Variants in PTCSC3 observed in about 807,000 individuals in gnomAD.
PTCSC3 encodes the protein papillary thyroid carcinoma susceptibility candidate 3 (non-protein coding).
At chr14:36,146,854 C>T (rs1174437552) in intron 3 of PTCSC3, among the ~76,000 whole-genome samples, 3 of 152,036 alleles carry the variant, frequency 2.0e-5, no homozygotes, top group Non-Finnish European at 2.9e-5. Flanking sequence ...TTAGGGCAGG[C>T]CTGGTGGTGA....
At chr14:36,147,101 T>C (rs1053027474) in intron 3 of PTCSC3, among the ~76,000 whole-genome samples, 8 of 152,194 alleles carry the variant, frequency 5.3e-5, no homozygotes, top group African/African-American at 1.9e-4. Context: ...TAACATTTTT[T>C]CCTTCATTTC....
intron 2 of PTCSC3, among the ~76,000 whole-genome samples, chr14:36,162,258 G>GAAAAAAAAAAAAAAAAAAA (rs58223160): frequency 6.6e-5 from 7 of 106,554 alleles, no homozygotes; most frequent in African/African-American, 2.9e-4. Context: ...CTGGGGTATG[G>GAAAAAAAAAAAAAAAAAAA]AAAAAAAAAA....
At chr14:36,139,940 C>T (rs1431608655) in intron 3 of PTCSC3, among the ~76,000 whole-genome samples, 1 of 152,150 alleles carries the variant, frequency 6.6e-6, no homozygotes, top group Admixed American at 6.5e-5. Flanking sequence ...CAATACCATA[C>T]AGAATAATTT....
At chr14:36,171,076 T>C (rs2139113737) in intron 1 of PTCSC3, among the ~76,000 whole-genome samples, 1 of 152,310 alleles carries the variant, frequency 6.6e-6, no homozygotes. Flanking sequence ...TAACTACCAA[T>C]TATAATATTG....
intron 3 of PTCSC3, among the ~76,000 whole-genome samples, chr14:36,151,246 A>G (rs1881715085): frequency 6.6e-6 from 1 of 152,090 alleles, no homozygotes; most frequent in South Asian, 2.1e-4. Context: ...GAGTTCCAAT[A>G]TAACTCTATC....
intron 2 of PTCSC3, among the ~76,000 whole-genome samples, chr14:36,160,740 TC>T (rs1881936889): frequency 6.6e-6 from 1 of 152,212 alleles, no homozygotes; most frequent in Non-Finnish European, 1.5e-5. Flanking sequence ...TGTGGTGTTC[TC>T]TGTATTTCCT....
intron 1 of PTCSC3, among the ~76,000 whole-genome samples, chr14:36,175,409 T>G (rs943445646): frequency 6.6e-6 from 1 of 152,148 alleles, no homozygotes; most frequent in African/African-American, 2.4e-5. Flanking sequence ...TGGTTAGAGA[T>G]GGAAGTTCAG....
rs114932907 is a variant in PTCSC3, at chr14:36,173,507, G to A, written n.171+2791C>T. On this transcript the variant is annotated intron_variant and non_coding_transcript_variant, in intron 1 of 3. Transcript: ENST00000556013. ...AATGCTTTAATTTAAAAAACTTTTA[G>A]CTAACTCTCAGCACCATTCTACTTA... 6.9e-3 allele frequency among the ~76,000 whole-genome samples: 1,049 copies of A among 152,108 alleles called. 9 individuals are homozygous for A. The highest frequency in any genetic ancestry group is 0.023 in the African/African-American group (951 of 41,516).
intron 3 of PTCSC3, among the ~76,000 whole-genome samples, chr14:36,149,582 TA>T (rs1318349008): frequency 6.6e-6 from 1 of 152,238 alleles, no homozygotes; most frequent in African/African-American, 2.4e-5. Context: ...AATCTCCAAC[TA>T]TAATTGTGGA....
intron 3 of PTCSC3, among the ~76,000 whole-genome samples, chr14:36,149,189 T>TAAA (rs1257072108): frequency 7.2e-5 from 11 of 152,180 alleles, no homozygotes; most frequent in Admixed American, 7.2e-4. Flanking sequence ...TTTTGATAAA[T>TAAA]TGTATTTTTA....
At chr14:36,145,368 T>C (rs1881536351) in intron 3 of PTCSC3, among the ~76,000 whole-genome samples, 1 of 151,436 alleles carries the variant, frequency 6.6e-6, no homozygotes, top group Non-Finnish European at 1.5e-5. Flanking sequence ...GAGATTCAAC[T>C]TCTTCCTGGT....
intron 1 of PTCSC3, among the ~76,000 whole-genome samples, chr14:36,165,443 A>G (rs1232678037): frequency 6.6e-6 from 1 of 151,940 alleles, no homozygotes; most frequent in Non-Finnish European, 1.5e-5. Context: ...CTGTTTCTCT[A>G]TGAGATTATT....
At chr14:36,146,457 CTG>C (rs1881570266) in intron 3 of PTCSC3, among the ~76,000 whole-genome samples, 1 of 151,074 alleles carries the variant, frequency 6.6e-6, no homozygotes. Context: ...GGTTTAAAGT[CTG>C]TTTTATCAGA....
chr14:36,162,340 A>G (rs1009508040), intron 2 of PTCSC3, among the ~76,000 whole-genome samples: 1 of 150,656 alleles, frequency 6.6e-6, no homozygotes, highest in African/African-American at 2.5e-5. Flanking sequence ...TGTGCTTGAA[A>G]CCTAGGTCCC....
intron 3 of PTCSC3, among the ~76,000 whole-genome samples, chr14:36,145,220 G>A (rs953761332): frequency 6.7e-6 from 1 of 148,218 alleles, no homozygotes; most frequent in Admixed American, 6.7e-5. Flanking sequence ...GATTGGAATA[G>A]TTTCAGAAGG....
intron 1 of PTCSC3, among the ~76,000 whole-genome samples, chr14:36,166,236 C>T (rs997797277): frequency 1.3e-4 from 20 of 152,162 alleles, no homozygotes; most frequent in Non-Finnish European, 2.2e-4. Context: ...CTTGCTCACA[C>T]GCTTCCTCTG....
Position 36,137,152 on chromosome 14 carries a change from C to T in PTCSC3, n.323-796G>A, listed in dbSNP as rs532741784. 2.8e-4 allele frequency among the ~76,000 whole-genome samples: 42 copies of T among 152,116 alleles called. No individual in the cohort carries two copies. In the South Asian group the frequency reaches 6.9e-3, roughly 25 times the overall value. Reference sequence around the variant, plus strand: ...AGAAGATAACATTTGAGCAGAAACACAAAGGGAGGAAGGAGGCCATGCAGA... The same window carrying T: ...AGAAGATAACATTTGAGCAGAAACATAAAGGGAGGAAGGAGGCCATGCAGA... On this transcript the variant is annotated intron_variant and non_coding_transcript_variant, in intron 3 of 3. Coordinates refer to ENST00000556013, the Ensembl canonical transcript of PTCSC3.
chr14:36,146,173 T>G (rs1180633686), intron 3 of PTCSC3, among the ~76,000 whole-genome samples: 10 of 144,426 alleles, frequency 6.9e-5, no homozygotes, highest in Non-Finnish European at 7.7e-5. Flanking sequence ...AGATGTCTAT[T>G]AGGTCCACTT....
At chr14:36,161,928 C>T (rs1410149734) in intron 2 of PTCSC3, among the ~76,000 whole-genome samples, 3 of 152,184 alleles carry the variant, frequency 2.0e-5, no homozygotes, top group East Asian at 1.9e-4. Context: ...AATCTGGAGA[C>T]GCAGTCTGGC....
Sources: allele counts gnomAD v4.1 joint callset (sites outside exome capture counted in the v4.1 genomes callset), GRCh38; gene constraint gnomAD v4.1.1; transcripts MANE v1.5; gene names NCBI Gene and HGNC (gene_info 2026-07-23, HGNC 2026-07-21).